The following AGBL5 variants were observed in gnomAD, a reference collection of about 807,000 sequenced individuals.
AGBL5 encodes cytosolic carboxypeptidase-like protein 5.
AGBL5 carries 51 observed loss-of-function variants against 88.0 expected under a neutral mutation model. The ratio of observed to expected loss-of-function variants is 0.58; its 90% CI spans 0.46 to 0.73. The LOEUF (loss-of-function observed/expected upper bound fraction) is 0.73, where lower values mean the gene tolerates loss of function less well. AGBL5 is among the 30% of genes least tolerant of loss of function. The pLI, the probability that AGBL5 is intolerant of heterozygous loss-of-function variation, is 0.00. For missense variants in AGBL5, 1,031 were observed against 1,162.2 expected (o/e 0.89, Z 1.64); for synonymous variants, 446 against 438.8 (o/e 1.02, Z -0.21).
rs1572840450 is a variant in AGBL5 at position 27,070,485 on chromosome 2, A to T, written c.*222A>T. On this transcript the variant is annotated 3_prime_UTR_variant, in exon 15 of 15. Transcript: ENST00000360131. ...CGCAGCACAAGATTTTGGGACCACA[A>T]AAAAAAGTCTATATTTTTATATTGG... 1 of 523,500 alleles carries T rather than the reference A, an allele frequency of 1.9e-6. No homozygotes were observed. The highest frequency in any genetic ancestry group is 3.0e-5 in the East Asian group (1 of 33,740). 32.4% of individuals were successfully genotyped at this position (523,500 alleles called of 1,614,324 possible).
intron 11 of AGBL5, among the ~76,000 whole-genome samples, chr2:27,065,379 G>A (rs1364887653): frequency 2.0e-5 from 3 of 152,142 alleles, no homozygotes; most frequent in Non-Finnish European, 4.4e-5. Flanking sequence ...CGAGACATGA[G>A]TGGACCAGAG....
chr2:27,070,325 C>CA lies in AGBL5; in HGVS notation c.*62_*63insA. On this transcript the variant is annotated 3_prime_UTR_variant, in exon 15 of 15. Transcript: ENST00000360131. ...AGATGGGGTAACAGTGGGAAATATG[C>CA]TAGTTCCCCTCCAGGCCGCTGATTC... 2.6e-6 allele frequency: 4 copies of CA among 1,524,946 alleles called. No individual in the cohort carries two copies. The highest frequency in any genetic ancestry group is 3.6e-6 in the Non-Finnish European group (4 of 1,102,584). The allele number at this position is 1,524,946 out of a possible 1,614,324, so 94.5% of individuals were successfully genotyped here.
intron 9 of AGBL5, among the ~76,000 whole-genome samples, chr2:27,058,070 G>A (rs1327012812): frequency 6.6e-6 from 1 of 150,676 alleles, no homozygotes; most frequent in Non-Finnish European, 1.5e-5. Context: ...AGATCAAGAT[G>A]CCGTCTCAAA....
At chr2:27,067,419 C>T in intron 11 of AGBL5, 75 bp from the exon 12 acceptor site, 1 of 1,489,474 alleles carries the variant, frequency 6.7e-7, no homozygotes, top group South Asian at 1.2e-5. Context: ...CCACGGAAGC[C>T]AGCAGGTCAG....
chr2:27,062,182 G>A (rs1309276566), intron 11 of AGBL5, among the ~76,000 whole-genome samples: 1 of 146,622 alleles, frequency 6.8e-6, no homozygotes, highest in Non-Finnish European at 1.5e-5. Flanking sequence ...GGAGTGCAAT[G>A]GCATGATCTC....
rs367995205 is a variant in AGBL5 at position 27,069,661 on chromosome 2, G to C, written c.2444G>C (p.Arg815Thr). Reference sequence around the variant, plus strand: ...CCCACATCCCCTACCCCCCGGACCAGGGAGAGCAGTGAGCTGGAGCTGGGA... The same window carrying C: ...CCCACATCCCCTACCCCCCGGACCACGGAGAGCAGTGAGCTGGAGCTGGGA... ...SGPTSPTPRTRESSELELGSC... is the reference protein window; with the variant it reads ...SGPTSPTPRTTESSELELGSC... The change falls in exon 14 of 15, where the codon AGG becomes ACG. Residue 815 changes from arginine (R) to threonine (T), a missense_variant. Coordinates refer to ENST00000360131, the MANE Select transcript of AGBL5 (RefSeq NM_021831.6). 17 of 1,613,992 alleles carry C rather than the reference G, an allele frequency of 1.1e-5. No individual in the cohort carries two copies. In the Middle Eastern group the frequency reaches 6.6e-4, roughly 62 times the overall value.
rs1323377576 is a variant in AGBL5, at chr2:27,056,517, TG to T, written c.1366-104del. 23 of 961,184 alleles carry T rather than the reference TG, an allele frequency of 2.4e-5. No individual in the cohort carries two copies. The Admixed American group carries it at 4.7e-4, about 20-fold the overall frequency. 59.5% of individuals were successfully genotyped at this position (961,184 alleles called of 1,614,324 possible). A position where few individuals can be genotyped will look rare whatever the true frequency, so the allele number is the denominator to read the frequency against. On this transcript the variant is annotated intron_variant, in intron 7 of 14. Coordinates refer to ENST00000360131, the MANE Select transcript of AGBL5 (RefSeq NM_021831.6). The stretch of plus-strand genomic sequence containing the variant: ...CACTGATTACTGTTAATGGTTGTGA[TG>T]GTATCTGCTGTGTATTAAGTCACAT...
chr2:27,060,566 C>A (rs1668665194), intron 11 of AGBL5, among the ~76,000 whole-genome samples: 1 of 152,342 alleles, frequency 6.6e-6, no homozygotes, highest in East Asian at 1.9e-4. Flanking sequence ...CCAGCATACT[C>A]ATCCTTGTTA....
Position 27,053,256 on chromosome 2 carries a change from C to A in AGBL5, c.215+83C>A. 6.6e-7 allele frequency: 1 copy of A among 1,517,434 alleles called. No individual in the cohort carries two copies. Among genetic ancestry groups the A allele is most frequent in the Non-Finnish European group, 8.9e-7 (1 of 1,120,434 alleles). 94.0% of individuals were successfully genotyped at this position (1,517,434 alleles called of 1,614,324 possible). On this transcript the variant is annotated intron_variant, in intron 2 of 14. Transcript: ENST00000360131. The surrounding 1 kb of genome is among the most constrained non-coding windows in gnomAD (Gnocchi z 4.9). ...CTCTGACTTATCTGTTCATACCCAG[C>A]ATACTCCCTGTCCATTTCTGACCCA...
chr2:27,054,139 G>C (rs373012001), intron 4 of AGBL5, 80 bp downstream of exon 4: 1 of 1,468,956 alleles, frequency 6.8e-7, no homozygotes, highest in South Asian at 1.3e-5. Context: ...TGCTCTTAGA[G>C]CTCTGAACCA....
chr2:27,053,487 C>T lies in AGBL5; in HGVS notation c.301C>T (p.Leu101=). 6.2e-7 allele frequency: 1 copy of T among 1,614,144 alleles called. No individual in the cohort carries two copies. Among genetic ancestry groups the T allele is most frequent in the Non-Finnish European group, 8.5e-7 (1 of 1,180,040 alleles). Residue 101 remains leucine (L), a synonymous_variant, in exon 3 of 15, where the codon CTG becomes TTG. Transcript: ENST00000360131. This position sits in a 1 kb window ranked among gnomAD's most constrained non-coding sequence, Gnocchi z 4.9. The stretch of plus-strand genomic sequence containing the variant: ...TATGAACATGAACAAGCAGAGCAAG[C>T]TGTATTCCCAGGGCATGGCCCCCTT... The part of the protein sequence containing the change: ...NIMNMNKQSK[L]YSQGMAPFVR...
chr2:27,051,291 G>C (rs571947339), upstream of AGBL5: 1 of 152,218 alleles, frequency 6.6e-6, no homozygotes, highest in East Asian at 1.9e-4. Flanking sequence ...CCTCCACTCA[G>C]CTTTTGCGTC....
intron 11 of AGBL5, 27 bp from the exon 12 acceptor site, chr2:27,067,467 T>G: frequency 1.2e-6 from 2 of 1,604,996 alleles, no homozygotes; most frequent in Non-Finnish European, 1.7e-6. Context: ...ATTTGCCCTT[T>G]TATCTGCTTG....
chr2:27,059,569 G>A, intron 11 of AGBL5, 165 bp downstream of exon 11: 1 of 1,472,436 alleles, frequency 6.8e-7, no homozygotes, highest in Middle Eastern at 2.0e-4. Flanking sequence ...GGTGTTCCCT[G>A]CGGCATGATT....
chr2:27,067,407 G>T, intron 11 of AGBL5, 87 bp from the exon 12 acceptor site: 1 of 1,391,954 alleles, frequency 7.2e-7, no homozygotes, highest in South Asian at 1.3e-5. Context: ...GGCATCTTTT[G>T]ACCACGGAAG....
At chr2:27,050,789 T>C (rs1351288640), upstream of AGBL5, among the ~76,000 whole-genome samples, 1 of 152,238 alleles carries the variant, frequency 6.6e-6, no homozygotes, top group Non-Finnish European at 1.5e-5. Context: ...GAGCCTTCGA[T>C]AGCTCAGTTG....
intron 4 of AGBL5, 80 bp downstream of exon 4, chr2:27,054,139 G>T: frequency 6.8e-7 from 1 of 1,469,076 alleles, no homozygotes; most frequent in Non-Finnish European, 9.2e-7. Flanking sequence ...TGCTCTTAGA[G>T]CTCTGAACCA....
Position 27,052,950 on chromosome 2 carries a change from A to G in AGBL5, c.-9A>G, listed in dbSNP as rs1210580683. On this transcript the variant is annotated 5_prime_UTR_variant, in exon 2 of 15. Transcript: ENST00000360131. ...GAGCGGGGCAGGAGGATGCTTTCCC[A>G]GCCCCACCATGGAGCTGCGCTGTGG... 3 of 1,581,908 alleles carry G rather than the reference A, an allele frequency of 1.9e-6. No individual in the cohort carries two copies. The highest frequency in any genetic ancestry group is 1.7e-5 in the Admixed American group (1 of 58,224).
intron 4 of AGBL5, 116 bp downstream of exon 4, chr2:27,054,175 C>A: frequency 7.7e-7 from 1 of 1,295,892 alleles, no homozygotes; most frequent in Non-Finnish European, 1.1e-6. Flanking sequence ...TTTTTCTGTA[C>A]AGAATGTACA....
Sources: gnomAD v4.1 joint callset for allele counts (sites outside exome capture counted in the v4.1 genomes callset) on GRCh38, gnomAD v4.1.1 for gene constraint, Gnocchi (gnomAD v3.1) non-coding constraint, MANE v1.5 for transcripts, NCBI Gene and HGNC (gene_info 2026-07-23, HGNC 2026-07-21) for gene names.